The following MAPRE2 variants were observed in gnomAD, a reference collection of about 807,000 sequenced individuals.
MAPRE2 encodes the protein microtubule associated protein RP/EB family member 2.
A neutral mutation model predicts 43.2 loss-of-function variants in MAPRE2; 13 were observed. The ratio of observed to expected loss-of-function variants is 0.30; its 90% confidence interval spans 0.20 to 0.48. MAPRE2 has a LOEUF of 0.48. Among genes scored for constraint, MAPRE2 ranks in the 20% least tolerant of loss-of-function variants. MAPRE2 has a pLI of 0.99. For missense variants in MAPRE2, 161 were observed against 400.2 expected (o/e 0.40, Z 5.10); for synonymous variants, 135 against 148.8 (o/e 0.91, Z 0.68).
At chr18:35,119,952 T>C (rs1909598462) in intron 4 of MAPRE2, among the ~76,000 whole-genome samples, 1 of 152,192 alleles carries the variant, frequency 6.6e-6, no homozygotes, top group Non-Finnish European at 1.5e-5. Context: ...TAAGCTACCA[T>C]TTATTGAGCA....
chr18:35,013,680 C>T (rs898596895), intron 2 of MAPRE2, among the ~76,000 whole-genome samples: 1 of 152,222 alleles, frequency 6.6e-6, no homozygotes, highest in Non-Finnish European at 1.5e-5. Context: ...TTCCCCCAAC[C>T]CTTCCCAGCC....
At chr18:35,125,975 A>C (rs1315861963) in intron 4 of MAPRE2, among the ~76,000 whole-genome samples, 1 of 152,198 alleles carries the variant, frequency 6.6e-6, no homozygotes, top group African/African-American at 2.4e-5. Context: ...TCTCACCTAA[A>C]GTTTACGTGT....
chr18:34,985,276 T>TAA lies in MAPRE2; in HGVS notation c.-70+8198_-70+8199dup, dbSNP rs1253476149. On this transcript the variant is annotated intron_variant, in intron 1 of 7. Transcript: ENST00000413393. ...ATATAATATAATATATTATATAATA[T>TAA]AATATATTATATATTATATTATATA... is the stretch of plus-strand genomic sequence containing the variant. Among the ~76,000 whole-genome samples the TAA allele has an allele frequency of 7.6e-4, 37 of 48,900 alleles. 1 individual carries two copies. Among genetic ancestry groups the TAA allele is most frequent in the African/African-American group, 3.1e-3 (35 of 11,268 alleles). The allele number at this position is 48,900 out of a possible 152,430, so 32.1% of individuals were successfully genotyped here.
Position 35,066,926 on chromosome 18 carries a change from G to GA in MAPRE2, c.123-3266dup, listed in dbSNP as rs551968795. Among the ~76,000 whole-genome samples, 557 of 152,362 alleles carry GA rather than the reference G, an allele frequency of 3.7e-3. 1 individual carries two copies. The highest frequency in any genetic ancestry group is 4.9e-3 in the Non-Finnish European group (330 of 68,024). ...TTCCCATCAGCAGGGGTGTTAAATAGAAATTAACTATATTGATTTCATTGT... is the reference window on the plus strand; with the variant it reads ...TTCCCATCAGCAGGGGTGTTAAATAGAAAATTAACTATATTGATTTCATTGT... On this transcript the variant is annotated intron_variant, in intron 1 of 6. Transcript: ENST00000300249.
chr18:35,124,892 A>T (rs1909840301), intron 4 of MAPRE2, among the ~76,000 whole-genome samples: 1 of 152,046 alleles, frequency 6.6e-6, no homozygotes, highest in African/African-American at 2.4e-5. Context: ...GGTCAGCGGG[A>T]CATGGAAGTA....
chr18:35,070,122 G>GAT lies in MAPRE2; in HGVS notation c.123-72_123-71insTA, dbSNP rs1907033836. 1.1e-5 allele frequency: 15 copies of GAT among 1,387,736 alleles called. No individual in the cohort carries two copies. The East Asian group carries it at 3.7e-4, about 34-fold the overall frequency. 86.0% of individuals were successfully genotyped at this position (1,387,736 alleles called of 1,614,324 possible). The stretch of plus-strand genomic sequence containing the variant: ...TGCCCTGGAGTCCTGCCAGGATCTT[G>GAT]ACCTCGAATAGGTATCTTTTGTGTT... On this transcript the variant is annotated intron_variant, in intron 1 of 6. Transcript: ENST00000300249.
chr18:35,129,730 C>G (rs1305076851), intron 5 of MAPRE2, among the ~76,000 whole-genome samples: 1 of 152,194 alleles, frequency 6.6e-6, no homozygotes, highest in Non-Finnish European at 1.5e-5. Flanking sequence ...ACTGAAACAG[C>G]AAGGCCTGCA....
chr18:35,132,680 C>A (rs1178043962), intron 6 of MAPRE2, among the ~76,000 whole-genome samples: 1 of 152,196 alleles, frequency 6.6e-6, no homozygotes, highest in African/African-American at 2.4e-5. Flanking sequence ...ACATGCCCAT[C>A]TCCTTTATGG....
In MAPRE2 at chr18:35,067,346, T is replaced by C. The variant is rs564342548; in HGVS notation, c.123-2849T>C. 3.3e-5 allele frequency among the ~76,000 whole-genome samples: 5 copies of C among 152,352 alleles called. No homozygotes were observed. In the East Asian group the frequency reaches 9.6e-4, roughly 29 times the overall value. On this transcript the variant is annotated intron_variant, in intron 1 of 6. Coordinates refer to ENST00000300249, the MANE Select transcript of MAPRE2 (RefSeq NM_014268.4). ...AATTGTTGTCCTTAAGTGAATGTTA[T>C]CAGCAAAGACCTGGAGGAAAGTGTG...
At chr18:35,098,143 T>C (rs1262463358) in intron 3 of MAPRE2, among the ~76,000 whole-genome samples, 1 of 152,196 alleles carries the variant, frequency 6.6e-6, no homozygotes, top group Non-Finnish European at 1.5e-5. Context: ...TGAATTATAC[T>C]TTTGTCCTGG....
rs372455532 is a variant in MAPRE2 at position 35,106,297 on chromosome 18, AT to A, written c.610+4145del. Reference sequence around the variant, plus strand: ...ATTTTGAGTTTGGAATACTTGATTTATTTTTTTAGTGGATTTATCTCTCCCC... The same window carrying A: ...ATTTTGAGTTTGGAATACTTGATTTATTTTTTAGTGGATTTATCTCTCCCC... On this transcript the variant is annotated intron_variant, in intron 4 of 6. Transcript: ENST00000300249. Among the ~76,000 whole-genome samples, 873 of 151,970 alleles carry A rather than the reference AT, an allele frequency of 5.7e-3. 7 individuals are homozygous for A. Among genetic ancestry groups the A allele is most frequent in the African/African-American group, 0.02 (842 of 41,434 alleles).
intron 1 of MAPRE2, among the ~76,000 whole-genome samples, chr18:35,002,582 G>A (rs1328476841): frequency 6.6e-6 from 1 of 151,958 alleles, no homozygotes; most frequent in Admixed American, 6.6e-5. Flanking sequence ...TGGTGTTGTC[G>A]CTATTTTTTA....
chr18:34,995,397 A>G (rs949789206), intron 1 of MAPRE2, among the ~76,000 whole-genome samples: 1 of 152,252 alleles, frequency 6.6e-6, no homozygotes, highest in Admixed American at 6.5e-5. Flanking sequence ...TGCCTACACA[A>G]GAAAATAACA....
chr18:35,067,360 G>T (rs1906881470), intron 1 of MAPRE2, among the ~76,000 whole-genome samples: 1 of 152,206 alleles, frequency 6.6e-6, no homozygotes, highest in Non-Finnish European at 1.5e-5. Flanking sequence ...CAAAGACCTG[G>T]AGGAAAGTGT....
chr18:34,987,871 G>A (rs905847179), intron 1 of MAPRE2, among the ~76,000 whole-genome samples: 1 of 152,072 alleles, frequency 6.6e-6, no homozygotes, highest in African/African-American at 2.4e-5. Flanking sequence ...TCGAACTCCT[G>A]GGAACAAACA....
chr18:34,993,777 T>G (rs895866716), intron 1 of MAPRE2, among the ~76,000 whole-genome samples: 4 of 152,168 alleles, frequency 2.6e-5, no homozygotes, highest in Non-Finnish European at 5.9e-5. Context: ...CAAATGAAGC[T>G]AGTTGTGTTC....
chr18:35,134,153 A>G (rs192035645), intron 6 of MAPRE2, among the ~76,000 whole-genome samples: 7 of 152,324 alleles, frequency 4.6e-5, no homozygotes, highest in East Asian at 3.9e-4. Context: ...AGAGAATCCT[A>G]TTAGGTAGCT....
intron 2 of MAPRE2, among the ~76,000 whole-genome samples, chr18:35,012,280 G>A (rs2097035273): frequency 6.6e-6 from 1 of 152,108 alleles, no homozygotes; most frequent in African/African-American, 2.4e-5. Context: ...AACTCTGGAA[G>A]AAAAAGAAAT....
intron 1 of MAPRE2, among the ~76,000 whole-genome samples, chr18:35,067,129 T>C (rs1469579994): frequency 6.6e-6 from 1 of 152,234 alleles, no homozygotes; most frequent in African/African-American, 2.4e-5. Flanking sequence ...TTGTGAGGAC[T>C]ACAGCTGTGT....
Sources: allele counts gnomAD v4.1 joint callset (sites outside exome capture counted in the v4.1 genomes callset), GRCh38; gene constraint gnomAD v4.1.1; transcripts MANE v1.5; gene names NCBI Gene and HGNC (gene_info 2026-07-23, HGNC 2026-07-21).